Variants in DSG1 observed in about 807,000 individuals in gnomAD.
The protein encoded by DSG1 is desmoglein-1.
A neutral mutation model predicts 97.5 loss-of-function variants in DSG1; 39 were observed. The ratio of observed to expected loss-of-function variants is 0.40; its 90% CI spans 0.31 to 0.52. DSG1 has a LOEUF of 0.52. DSG1 is among the 20% of genes least tolerant of loss of function. DSG1 has a pLI of 0.53. For synonymous variants in DSG1, 475 were observed against 443.4 expected, an observed-to-expected ratio of 1.07 and a Z score of -0.90; for missense variants, 1,311 against 1,295.4, an observed-to-expected ratio of 1.01 and a Z score of -0.18.
At chr18:31,321,167 G>A (rs530894584) in intron 1 of DSG1, among the ~76,000 whole-genome samples, 1 of 152,046 alleles carries the variant, frequency 6.6e-6, no homozygotes, top group Admixed American at 6.5e-5. Flanking sequence ...GAACCGAACT[G>A]AAATTCTGTA....
At chr18:31,346,323 T>C in intron 14 of DSG1, 125 bp downstream of exon 14, 1 of 817,516 alleles carries the variant, frequency 1.2e-6, no homozygotes, top group Non-Finnish European at 2.1e-6. Context: ...CTTTAGTTTT[T>C]GTGCCCAACA....
chr18:31,328,239 A>C lies in DSG1; in HGVS notation c.267A>C (p.Gly89=). ...ANQQVTYRIS[G]VGIDQPPYGI... Reference sequence around the variant, plus strand: ...AGCAAGTTACATACCGCATCTCTGGAGTAGGAATTGATCAGCCACCATATG... The same window carrying C: ...AGCAAGTTACATACCGCATCTCTGGCGTAGGAATTGATCAGCCACCATATG... The change falls in exon 4 of 15, where the codon GGA becomes GGC. Residue 89 remains glycine (G), a synonymous_variant. Transcript: ENST00000257192. The C allele has an allele frequency of 6.2e-7, 1 of 1,613,626 alleles. No homozygotes were observed. The highest frequency in any genetic ancestry group is 8.5e-7 in the Non-Finnish European group (1 of 1,179,614).
Position 31,355,329 on chromosome 18 carries a change from G to A in DSG1, c.3133G>A (p.Val1045Met), listed in dbSNP as rs140838956. ...ARSRITKYSTVQYSK is the reference protein window; with the variant it reads ...ARSRITKYSTMQYSK ...AAGTCGAATCACAAAGTATAGTACC[G>A]TGCAATATAGCAAGTAGTCAGGACC... The change falls in exon 15 of 15, where the codon GTG becomes ATG. Residue 1045 changes from valine to methionine, a missense_variant. Coordinates refer to ENST00000257192, the MANE Select transcript of DSG1 (RefSeq NM_001942.4). 5.1e-4 allele frequency: 816 copies of A among 1,613,916 alleles called. No individual in the cohort carries two copies. The highest frequency in any genetic ancestry group is 6.5e-4 in the Non-Finnish European group (769 of 1,179,990).
At chr18:31,340,528 A>G (rs2071782331) in intron 11 of DSG1, among the ~76,000 whole-genome samples, 1 of 151,702 alleles carries the variant, frequency 6.6e-6, no homozygotes, top group Non-Finnish European at 1.5e-5. Context: ...GAAGTGCTTG[A>G]ACCCAGGAGG....
At position 31,345,852 on chromosome 18, in the gene DSG1, TC is replaced by T. The variant is rs369714939; in HGVS notation, c.1892-137del. On this transcript the variant is annotated intron_variant, in intron 13 of 14. Transcript: ENST00000257192. ...TTCAATATTGTATTTATATCTCCTT[TC>T]TTTATGTATTATCTTTTTATTTCTT... 2.0e-5 allele frequency: 13 copies of T among 657,480 alleles called. No homozygotes were observed. The African/African-American group carries it at 2.2e-4, about 11-fold the overall frequency. 40.7% of individuals were successfully genotyped at this position (657,480 alleles called of 1,614,324 possible).
At chr18:31,346,286 C>A in intron 14 of DSG1, 88 bp downstream of exon 14, 1 of 1,073,786 alleles carries the variant, frequency 9.3e-7, no homozygotes, top group Non-Finnish European at 1.4e-6. Flanking sequence ...GGGGCTTTGG[C>A]AGGAGTCTCC....
chr18:31,329,738 T>A (rs894009220), intron 4 of DSG1, among the ~76,000 whole-genome samples, 154 bp from the exon 5 acceptor site: 8 of 152,114 alleles, frequency 5.3e-5, no homozygotes, highest in African/African-American at 1.9e-4. Context: ...ATGCCACATT[T>A]GCTTTCCCTT....
chr18:31,332,177 T>C (rs557018891), intron 6 of DSG1, among the ~76,000 whole-genome samples: 6 of 152,122 alleles, frequency 3.9e-5, no homozygotes, highest in Admixed American at 6.6e-5. Context: ...TCCATTTCTC[T>C]AAAAAGTGTG....
intron 1 of DSG1, among the ~76,000 whole-genome samples, chr18:31,323,801 C>G (rs2071668308): frequency 6.6e-6 from 1 of 152,048 alleles, no homozygotes; most frequent in Non-Finnish European, 1.5e-5. Context: ...TTGAAGGTCC[C>G]TCAGAACCTC....
Position 31,336,415 on chromosome 18 carries a change from A to C in DSG1, c.1067A>C (p.Glu356Ala), listed in dbSNP as rs775490009. 6 of 1,613,950 alleles carry C rather than the reference A, an allele frequency of 3.7e-6. No homozygotes were observed. The highest frequency in any genetic ancestry group is 3.3e-5 in the Admixed American group (2 of 60,024). ...QLSIGVRNKA[E>A]FHHSIMSQYK... ...AGTATTGGTGTCAGAAATAAAGCTG[A>C]ATTTCATCATTCAATTATGTCTCAA... Residue 356 changes from glutamate to alanine, a missense_variant, in exon 9 of 15, where the codon GAA becomes GCA. By Grantham distance (107) the Glu-to-Ala change is moderately radical. Coordinates refer to ENST00000257192, the MANE Select transcript of DSG1 (RefSeq NM_001942.4).
intron 14 of DSG1, among the ~76,000 whole-genome samples, chr18:31,348,357 C>A (rs1233277823): frequency 6.6e-6 from 1 of 151,970 alleles, no homozygotes; most frequent in African/African-American, 2.4e-5. Context: ...TTTTCTTAAT[C>A]CAGTCTACCA....
rs2071631947 is a variant in DSG1 at position 31,318,234 on chromosome 18, A to G, written c.-67A>G. The G allele has an allele frequency of 7.3e-7, 1 of 1,365,754 alleles. No individual in the cohort carries two copies. Among genetic ancestry groups the G allele is most frequent in the Admixed American group, 1.7e-5 (1 of 59,674 alleles). 84.6% of individuals were successfully genotyped at this position (1,365,754 alleles called of 1,614,324 possible). On this transcript the variant is annotated 5_prime_UTR_variant, in exon 1 of 15. Transcript: ENST00000257192. ...TAATCAGACACCAGCTGAGTGGGAG[A>G]AAGAAAAAGAACAGAGAAGAACAAA... is the stretch of plus-strand genomic sequence containing the variant.
chr18:31,353,638 A>G (rs938055233), intron 14 of DSG1, among the ~76,000 whole-genome samples: 2 of 150,374 alleles, frequency 1.3e-5, no homozygotes, highest in African/African-American at 4.9e-5. Context: ...TGGGCGTAGG[A>G]CCCTCCGAGC....
Position 31,319,207 on chromosome 18 carries a change from G to GT in DSG1, c.48+859_48+860insT, listed in dbSNP as rs1320951615. 3.3e-5 allele frequency among the ~76,000 whole-genome samples: 5 copies of GT among 152,282 alleles called. No homozygotes were observed. In the East Asian group the frequency reaches 9.6e-4, roughly 29 times the overall value. ...TCAATTTCACTTTCAGTGAAAATTT[G>GT]AAAATTGTAATCTCTCTCATAGTAA... is the stretch of plus-strand genomic sequence containing the variant. On this transcript the variant is annotated intron_variant, in intron 1 of 14. Coordinates refer to ENST00000257192, the MANE Select transcript of DSG1 (RefSeq NM_001942.4).
At chr18:31,347,475 G>C (rs56030969) in intron 14 of DSG1, among the ~76,000 whole-genome samples, 6,038 of 152,168 alleles carry the variant, frequency 0.04, 410 homozygotes, top group African/African-American at 0.14. Context: ...GAGAACAGCT[G>C]TATCTGGTAT....
chr18:31,327,748 C>G (rs76753201), intron 3 of DSG1, among the ~76,000 whole-genome samples: 4 of 152,072 alleles, frequency 2.6e-5, no homozygotes, highest in Non-Finnish European at 5.9e-5. Flanking sequence ...CTACTTTCTT[C>G]GAAAACTTTA....
chr18:31,324,302 T>TTTTG (rs1458489165), intron 1 of DSG1, among the ~76,000 whole-genome samples: 1 of 150,496 alleles, frequency 6.6e-6, no homozygotes, highest in Non-Finnish European at 1.5e-5. Flanking sequence ...TTTTTTTTTT[T>TTTTG]TTTGTTTGTT....
chr18:31,319,172 A>C (rs2071638542), intron 1 of DSG1, among the ~76,000 whole-genome samples: 1 of 152,208 alleles, frequency 6.6e-6, no homozygotes, highest in South Asian at 2.1e-4. Flanking sequence ...TGCACCACTA[A>C]TGTATTATGT....
At chr18:31,353,017 C>G (rs1235900405) in intron 14 of DSG1, among the ~76,000 whole-genome samples, 1 of 150,092 alleles carries the variant, frequency 6.7e-6, no homozygotes, top group African/African-American at 2.5e-5. Context: ...TGGTGAGGAA[C>G]TGCGTTCCTT....
Sources: gnomAD v4.1 joint callset for allele counts (sites outside exome capture counted in the v4.1 genomes callset) on GRCh38, gnomAD v4.1.1 for gene constraint, MANE v1.5 for transcripts, NCBI Gene and HGNC (gene_info 2026-07-23, HGNC 2026-07-21) for gene names.